Variants in DOCK11 observed in about 807,000 individuals in gnomAD.
The protein encoded by DOCK11 is dedicator of cytokinesis 11.
In DOCK11, 70 loss-of-function variants were observed where a neutral mutation model predicts 169.1. The ratio of observed to expected loss-of-function variants is 0.41; its 90% CI spans 0.34 to 0.51. DOCK11 has a LOEUF of 0.51. DOCK11 is among the 20% of genes least tolerant of loss of function. The pLI, the probability that DOCK11 is intolerant of heterozygous loss-of-function variation, is 0.10. For synonymous variants in DOCK11, 529 were observed against 541.3 expected (o/e 0.98, Z 0.32); for missense variants, 1,166 against 1,538.8 (o/e 0.76, Z 4.05).
At chrX:118,680,952 A>T in intron 49 of DOCK11, 106 bp from the exon 50 acceptor site, 1 of 763,173 alleles carries the variant, frequency 1.3e-6, no homozygotes, top group Non-Finnish European at 1.9e-6. Flanking sequence ...GTCATCTTCT[A>T]GATAAAGGAT....
chrX:118,579,544 C>T (rs1400847205), intron 13 of DOCK11, among the ~76,000 whole-genome samples: 1 of 111,894 alleles, frequency 8.9e-6, no homozygotes, highest in Non-Finnish European at 1.9e-5. Flanking sequence ...AGATAAAAGC[C>T]TCCAGCATTC....
At chrX:118,645,885 T>TA (rs1255554011) in intron 40 of DOCK11, among the ~76,000 whole-genome samples, 1,028 of 74,748 alleles carry the variant, frequency 0.014, 11 homozygotes, top group East Asian at 0.038. Context: ...TGTCTCTAGT[T>TA]AAAAAAAAAA....
chrX:118,569,071 CTTCT>C (rs1206759637), intron 10 of DOCK11, among the ~76,000 whole-genome samples: 16 of 88,339 alleles, frequency 1.8e-4, no homozygotes, highest in Non-Finnish European at 2.5e-4. Flanking sequence ...CTCTCTCTCT[CTTCT>C]TTCTTTCTTT....
intron 1 of DOCK11, among the ~76,000 whole-genome samples, chrX:118,516,420 C>T (rs2057689307): frequency 1.0e-5 from 1 of 97,908 alleles, no homozygotes; most frequent in East Asian, 3.3e-4. Flanking sequence ...CTCCCCTCCC[C>T]TCCCCTCCCC....
chrX:118,572,320 T>TA lies in DOCK11; in HGVS notation c.1036-2dup. 2.6e-6 allele frequency: 3 copies of TA among 1,172,820 alleles called. No individual in the cohort carries two copies. The highest frequency in any genetic ancestry group is 3.4e-6 in the Non-Finnish European group (3 of 870,388). The stretch of plus-strand genomic sequence containing the variant: ...AAAATGATTCATACTATCTCTTTTA[T>TA]AGAGGTTGGACTTTTCAGGAATTGA... On this transcript the variant is annotated splice_region_variant and splice_polypyrimidine_tract_variant and intron_variant, in intron 10 of 52. Coordinates refer to ENST00000276202, the MANE Select transcript of DOCK11 (RefSeq NM_144658.4).
intron 40 of DOCK11, among the ~76,000 whole-genome samples, chrX:118,647,766 T>A (rs868096154): frequency 9.8e-5 from 4 of 40,946 alleles, no homozygotes; most frequent in South Asian, 2.8e-3. Context: ...TATAATATAT[T>A]ATAATATATA....
intron 13 of DOCK11, 34 bp from the exon 14 acceptor site, chrX:118,580,062 CA>C (rs2013575227): frequency 8.6e-7 from 1 of 1,163,845 alleles, no homozygotes; most frequent in Admixed American, 2.4e-5. Flanking sequence ...GCAGTTTGAA[CA>C]AATACAAGCC....
intron 1 of DOCK11, among the ~76,000 whole-genome samples, chrX:118,516,431 T>G (rs1307982724): frequency 1.4e-5 from 1 of 72,613 alleles, no homozygotes; most frequent in African/African-American, 5.2e-5. Context: ...TCCCCTCCCC[T>G]CCTTTTTCTT....
At chrX:118,576,165 A>G (rs1393685435) in intron 12 of DOCK11, among the ~76,000 whole-genome samples, 2 of 112,166 alleles carry the variant, frequency 1.8e-5, no homozygotes, top group Non-Finnish European at 3.8e-5. Context: ...GTGCCGAAAT[A>G]TATAACCCTA....
chrX:118,555,811 T>C (rs1210025215), intron 6 of DOCK11, among the ~76,000 whole-genome samples: 1 of 110,673 alleles, frequency 9.0e-6, no homozygotes, highest in African/African-American at 3.3e-5. Flanking sequence ...CTCCTTTTCC[T>C]TGCTGGCTCT....
chrX:118,538,729 A>G (rs898404786), intron 1 of DOCK11: 82 of 712,692 alleles, frequency 1.2e-4, no homozygotes, highest in Middle Eastern at 8.1e-4. Flanking sequence ...TTTTGGAGTT[A>G]TGAAAAAGCA....
At chrX:118,656,735 A>G (rs113416879) in intron 44 of DOCK11, among the ~76,000 whole-genome samples, 15,733 of 111,281 alleles carry the variant, frequency 0.14, 889 homozygotes, top group Non-Finnish European at 0.17. Context: ...AGGCCAAGGT[A>G]GGTGATCACC....
chrX:118,678,913 G>A (rs1337448999), intron 48 of DOCK11, among the ~76,000 whole-genome samples: 2 of 111,175 alleles, frequency 1.8e-5, no homozygotes, highest in Non-Finnish European at 3.8e-5. Context: ...TGGGACTACA[G>A]GTGTGCACCA....
At chrX:118,586,344 A>T (rs2013813778) in intron 16 of DOCK11, among the ~76,000 whole-genome samples, 1 of 111,264 alleles carries the variant, frequency 9.0e-6, no homozygotes, top group African/African-American at 3.3e-5. Flanking sequence ...GCCTCAGGAA[A>T]CTTAAAATCG....
chrX:118,511,909 G>A (rs1453899150), intron 1 of DOCK11, among the ~76,000 whole-genome samples: 2 of 111,967 alleles, frequency 1.8e-5, no homozygotes, highest in South Asian at 3.7e-4. Flanking sequence ...ATCTATTTCC[G>A]CTTATTTATT....
intron 34 of DOCK11, among the ~76,000 whole-genome samples, chrX:118,628,982 A>T (rs1436575489): frequency 2.7e-5 from 3 of 112,126 alleles, no homozygotes; most frequent in African/African-American, 9.7e-5. Context: ...TTCTAATATG[A>T]GCACTTTGTC....
chrX:118,522,052 C>T (rs1422941642), intron 1 of DOCK11, among the ~76,000 whole-genome samples: 1 of 112,077 alleles, frequency 8.9e-6, no homozygotes, highest in Non-Finnish European at 1.9e-5. Flanking sequence ...CTTGGCCAGG[C>T]TCATTCCTGT....
At chrX:118,679,129 A>G (rs191003209) in intron 48 of DOCK11, among the ~76,000 whole-genome samples, 2 of 110,794 alleles carry the variant, frequency 1.8e-5, no homozygotes, top group Admixed American at 1.9e-4. Context: ...GGGTCTTGCT[A>G]TGTTGCCCAA....
chrX:118,625,424 A>G (rs925099248), intron 32 of DOCK11, among the ~76,000 whole-genome samples: 3 of 111,101 alleles, frequency 2.7e-5, no homozygotes, highest in African/African-American at 9.8e-5. Context: ...CCAAAGTGCT[A>G]GGATTACAGG....
Sources: allele counts gnomAD v4.1 joint callset (sites outside exome capture counted in the v4.1 genomes callset), GRCh38; gene constraint gnomAD v4.1.1; transcripts MANE v1.5; gene names NCBI Gene and HGNC (gene_info 2026-07-23, HGNC 2026-07-21).